CDH19: variants seen among roughly 807,000 people sequenced by gnomAD.
The protein encoded by CDH19 is cadherin-19.
In CDH19, 67 loss-of-function variants were observed where a neutral mutation model predicts 64.2. That is an observed-to-expected ratio of 1.04 (90% CI 0.86 to 1.28). CDH19 has a LOEUF of 1.28. CDH19 is among the 50% of genes most tolerant of loss of function. The pLI, the probability that CDH19 is intolerant of heterozygous loss-of-function variation, is 0.00. For synonymous variants in CDH19, 346 were observed against 319.3 expected, an observed-to-expected ratio of 1.08 and a Z score of -0.89; for missense variants, 1,030 against 929.0, an observed-to-expected ratio of 1.11 and a Z score of -1.41.
chr18:66,524,180 TTTA>T (rs979310405), intron 9 of CDH19, among the ~76,000 whole-genome samples: 1 of 152,150 alleles, frequency 6.6e-6, no homozygotes, highest in African/African-American at 2.4e-5. Context: ...TATTTTTTTC[TTTA>T]TTTTTATTTT....
intron 5 of CDH19, 25 bp downstream of exon 5, chr18:66,551,069 A>G (rs755660365): frequency 2.3e-6 from 3 of 1,290,314 alleles, no homozygotes; most frequent in Non-Finnish European, 2.2e-6. Context: ...TAATGTAATG[A>G]AGATGTAGAA....
rs113837639 is a variant in CDH19 at position 66,572,132 on chromosome 18, T to C, written c.73A>G (p.Asn25Asp). 2,491 of 1,611,574 alleles carry C rather than the reference T, an allele frequency of 1.5e-3. 24 individuals carry two copies. The African/African-American group carries it at 0.027, about 18-fold the overall frequency. ...TGCTTGACTTTCTTTGTTTGAGAGT[T>C]TTCTGTTGCTCCAAGACAAGGCCAT... Reference protein sequence around the residue: ...LLWPCLGATENSQTKKVKQPV... With the variant: ...LLWPCLGATEDSQTKKVKQPV... Residue 25 changes from asparagine (N) to aspartate (D), a missense_variant, in exon 2 of 12, where the codon AAC becomes GAC. Physicochemically the swap from Asn to Asp is conservative, Grantham distance 23. Coordinates refer to ENST00000262150, the MANE Select transcript of CDH19 (RefSeq NM_021153.4).
chr18:66,564,531 TG>T (rs1322929503), intron 3 of CDH19, among the ~76,000 whole-genome samples: 1 of 151,732 alleles, frequency 6.6e-6, no homozygotes, highest in Non-Finnish European at 1.5e-5. Context: ...CCAAAGAGAG[TG>T]GATAGTCTTT....
intron 1 of CDH19, among the ~76,000 whole-genome samples, chr18:66,602,547 G>A (rs1407110232): frequency 1.3e-5 from 2 of 151,844 alleles, no homozygotes; most frequent in East Asian, 1.9e-4. Flanking sequence ...GAAGACATAT[G>A]CTTTTCGATA....
chr18:66,536,896 T>C (rs1986696060), intron 7 of CDH19, among the ~76,000 whole-genome samples: 1 of 151,850 alleles, frequency 6.6e-6, no homozygotes, highest in Non-Finnish European at 1.5e-5. Context: ...AGAAAATTCA[T>C]AAATATGTAA....
Position 66,504,852 on chromosome 18 carries a change from A to C in CDH19, c.2279T>G (p.Leu760Ter), listed in dbSNP as rs755498153. ...LNELGPRFKR[L>*]ACMFGSAVQS... ...CACTGCAGAACCAAACATGCATGCT[A>C]ATCTTTTAAAGCGAGGTCCCAACTC... is the stretch of plus-strand genomic sequence containing the variant. Residue 760 changes from leucine (L) to a stop codon, truncating the protein, a stop_gained, in exon 12 of 12, where the codon TTA (leucine) becomes TGA (stop). Transcript: ENST00000262150. LOFTEE classifies it high-confidence loss of function. 2.5e-6 allele frequency: 4 copies of C among 1,609,032 alleles called. No homozygotes were observed. The Admixed American group carries it at 5.0e-5, about 20-fold the overall frequency.
At chr18:66,595,530 A>C (rs1329121485) in intron 1 of CDH19, among the ~76,000 whole-genome samples, 1 of 150,800 alleles carries the variant, frequency 6.6e-6, no homozygotes, top group African/African-American at 2.4e-5. Flanking sequence ...AAAAAAAAAA[A>C]AAAACCTGAG....
chr18:66,539,437 T>G (rs1418165294), intron 7 of CDH19, among the ~76,000 whole-genome samples: 1 of 152,138 alleles, frequency 6.6e-6, no homozygotes, highest in Non-Finnish European at 1.5e-5. Flanking sequence ...TTTAAGAATC[T>G]TCTATTCATA....
At chr18:66,515,957 C>T (rs1038786559) in intron 9 of CDH19, among the ~76,000 whole-genome samples, 6 of 151,748 alleles carry the variant, frequency 4.0e-5, no homozygotes, top group Non-Finnish European at 7.4e-5. Flanking sequence ...TGAAGAAGAT[C>T]AAGCAGAATT....
At chr18:66,603,608 A>G (rs1047380039) in intron 1 of CDH19, among the ~76,000 whole-genome samples, 1 of 152,018 alleles carries the variant, frequency 6.6e-6, no homozygotes, top group Non-Finnish European at 1.5e-5. Flanking sequence ...TGAACAAAGA[A>G]AAAAGTGCAA....
intron 3 of CDH19, among the ~76,000 whole-genome samples, chr18:66,561,049 T>G (rs916210568): frequency 6.6e-6 from 1 of 152,058 alleles, no homozygotes; most frequent in Non-Finnish European, 1.5e-5. Flanking sequence ...AGTTTCTTAG[T>G]TTAACTATTT....
At chr18:66,551,482 A>G (rs1987342310) in intron 4 of CDH19, among the ~76,000 whole-genome samples, 3 of 152,062 alleles carry the variant, frequency 2.0e-5, no homozygotes, top group African/African-American at 7.2e-5. Flanking sequence ...GGCCCTTAAT[A>G]AAATACTATG....
intron 8 of CDH19, chr18:66,532,539 G>GA: frequency 3.3e-6 from 1 of 300,984 alleles, no homozygotes; most frequent in Admixed American, 4.4e-5. Context: ...GAGAGAGAGA[G>GA]GGAAAAAAAA....
chr18:66,530,015 T>TC, intron 8 of CDH19, 49 bp from the exon 9 acceptor site: 3 of 952,362 alleles, frequency 3.2e-6, no homozygotes, highest in Non-Finnish European at 4.4e-6. Flanking sequence ...TTAATATGTC[T>TC]TTAGAAGAGA....
intron 1 of CDH19, among the ~76,000 whole-genome samples, chr18:66,592,001 T>C (rs1038728195): frequency 6.6e-6 from 1 of 151,882 alleles, no homozygotes; most frequent in African/African-American, 2.4e-5. Flanking sequence ...TTCCACCTAA[T>C]CGTTATGTTC....
intron 7 of CDH19, among the ~76,000 whole-genome samples, chr18:66,541,858 C>T (rs1030731420): frequency 2.0e-5 from 3 of 151,936 alleles, no homozygotes; most frequent in Admixed American, 6.6e-5. Flanking sequence ...AAATACAAAA[C>T]CTCTTAATAT....
At chr18:66,597,523 A>G (rs921183400) in intron 1 of CDH19, among the ~76,000 whole-genome samples, 2 of 152,152 alleles carry the variant, frequency 1.3e-5, no homozygotes, top group African/African-American at 4.8e-5. Flanking sequence ...AGGAAATACT[A>G]TTCTGGACAT....
intron 9 of CDH19, among the ~76,000 whole-genome samples, chr18:66,525,750 G>A (rs1986196954): frequency 6.6e-6 from 1 of 152,122 alleles, no homozygotes; most frequent in African/African-American, 2.4e-5. Context: ...CAGGGTGGGA[G>A]GAAATTGTTG....
intron 7 of CDH19, among the ~76,000 whole-genome samples, chr18:66,542,815 A>G (rs1408824662): frequency 6.6e-6 from 1 of 152,150 alleles, no homozygotes; most frequent in Non-Finnish European, 1.5e-5. Flanking sequence ...CATGTGAAGT[A>G]TCTAGGTTGA....
Sources: allele counts gnomAD v4.1 joint callset (sites outside exome capture counted in the v4.1 genomes callset), GRCh38; gene constraint gnomAD v4.1.1; transcripts MANE v1.5; gene names NCBI Gene and HGNC (gene_info 2026-07-23, HGNC 2026-07-21).